Variants in GLIS3 observed in about 807,000 individuals in gnomAD.
GLIS3 encodes GLIS family zinc finger 3.
In GLIS3, 53 loss-of-function variants were observed where a neutral mutation model predicts 78.6. The observed-to-expected ratio is 0.67, with a 90% CI of 0.54 to 0.85. The LOEUF is 0.85. GLIS3 is among the 40% of genes least tolerant of loss of function. The probability of loss-of-function intolerance (pLI) is 0.00; values close to 1 mark genes in which losing one functional copy is unlikely to be tolerated. For missense variants in GLIS3, 1,703 were observed against 1,231.1 expected (o/e 1.38, Z -5.74); for synonymous variants, 684 against 509.9 (o/e 1.34, Z -4.60).
At chr9:4,320,037 G>A (rs918819113) in intron 2 of GLIS3, among the ~76,000 whole-genome samples, 12 of 150,562 alleles carry the variant, frequency 8.0e-5, no homozygotes, top group East Asian at 7.8e-4. Flanking sequence ...GCGCGCACAA[G>A]AGTCAAATTA....
intron 4 of GLIS3, among the ~76,000 whole-genome samples, chr9:3,942,850 TAC>T (rs1320948605): frequency 1.3e-5 from 2 of 152,210 alleles, no homozygotes; most frequent in Non-Finnish European, 2.9e-5. Context: ...CTTGAAAAGA[TAC>T]AGTTTGGTGG....
At chr9:4,318,773 A>T (rs1022610838) in intron 2 of GLIS3, among the ~76,000 whole-genome samples, 4 of 152,238 alleles carry the variant, frequency 2.6e-5, no homozygotes, top group African/African-American at 7.2e-5. Context: ...CAGTCTTCAA[A>T]AGATGCTAAA....
upstream of GLIS3, among the ~76,000 whole-genome samples, chr9:4,352,222 C>T (rs10974489): frequency 2.0e-5 from 3 of 152,096 alleles, no homozygotes; most frequent in Non-Finnish European, 1.5e-5. Context: ...AAAACTCAGG[C>T]GACACCCAGT....
At chr9:4,206,101 C>A (rs1819857418) in intron 2 of GLIS3, among the ~76,000 whole-genome samples, 1 of 152,116 alleles carries the variant, frequency 6.6e-6, no homozygotes, top group Admixed American at 6.5e-5. Flanking sequence ...AAGATCCCCC[C>A]ATTTTCAAAT....
the GLIS3 span, among the ~76,000 whole-genome samples, chr9:4,486,985 G>A: frequency 1.3e-5 from 2 of 152,012 alleles, no homozygotes; most frequent in Non-Finnish European, 1.5e-5. Flanking sequence ...GGTGTGAGTC[G>A]ACACTCCCGG....
intron 1 of GLIS3, among the ~76,000 whole-genome samples, chr9:4,296,969 T>C (rs930287118): frequency 6.6e-6 from 1 of 151,338 alleles, no homozygotes; most frequent in Non-Finnish European, 1.5e-5. Flanking sequence ...TGCTTCAAAC[T>C]TTCTCAGAAC....
chr9:4,291,615 G>C (rs1815986635), intron 1 of GLIS3, among the ~76,000 whole-genome samples: 1 of 151,980 alleles, frequency 6.6e-6, no homozygotes, highest in East Asian at 1.9e-4. Context: ...AAAAGGGAGA[G>C]GAAGGGAGTA....
At chr9:4,253,276 C>A (rs755825620) in intron 2 of GLIS3, among the ~76,000 whole-genome samples, 6 of 152,252 alleles carry the variant, frequency 3.9e-5, no homozygotes, top group Non-Finnish European at 7.3e-5. Context: ...AAGCCCCTGA[C>A]TGGGGCTGCT....
At chr9:4,269,436 T>A (rs1826307279) in intron 2 of GLIS3, among the ~76,000 whole-genome samples, 1 of 152,234 alleles carries the variant, frequency 6.6e-6, no homozygotes, top group Non-Finnish European at 1.5e-5. Flanking sequence ...AAGAGAAGAC[T>A]GATCACAGTT....
intron 2 of GLIS3, among the ~76,000 whole-genome samples, chr9:4,162,005 T>C (rs539943343): frequency 6.6e-6 from 1 of 152,162 alleles, no homozygotes; most frequent in Admixed American, 6.5e-5. Flanking sequence ...AATTCTGAAA[T>C]CAAGGTGTTG....
the GLIS3 span, among the ~76,000 whole-genome samples, chr9:4,454,102 C>T: frequency 2.0e-4 from 29 of 147,090 alleles, no homozygotes; most frequent in Admixed American, 1.9e-3. Flanking sequence ...TAAAAGCTAC[C>T]AGTTTAAAAT....
At chr9:4,357,907 C>G in the GLIS3 span, among the ~76,000 whole-genome samples, 1 of 152,148 alleles carries the variant, frequency 6.6e-6, no homozygotes, top group Non-Finnish European at 1.5e-5. Flanking sequence ...TTTGAAATGG[C>G]AAACGAACAA....
At chr9:4,056,763 G>A (rs192066856) in intron 4 of GLIS3, among the ~76,000 whole-genome samples, 10 of 152,112 alleles carry the variant, frequency 6.6e-5, no homozygotes, top group East Asian at 5.8e-4. Flanking sequence ...TGGGCACTTA[G>A]TAAAAAGTGG....
At chr9:4,208,001 T>A (rs1227596238) in intron 2 of GLIS3, among the ~76,000 whole-genome samples, 8 of 152,226 alleles carry the variant, frequency 5.3e-5, no homozygotes, top group Admixed American at 5.2e-4. Context: ...GCACAGTTAG[T>A]GTGTGTGACT....
In GLIS3 at chr9:4,104,037, A is replaced by G. The variant is rs180932836; in HGVS notation, c.1710+13731T>C. ...AACCTGTCCCTCAACGATGGAATAC[A>G]GGGTAGGCACCAATGTTGTCATGAC... On this transcript the variant is annotated intron_variant, in intron 4 of 10. Coordinates refer to ENST00000381971, the MANE Select transcript of GLIS3 (RefSeq NM_001042413.2). 1.1e-3 allele frequency among the ~76,000 whole-genome samples: 171 copies of G among 152,290 alleles called. 1 individual carries two copies. Among genetic ancestry groups the G allele is most frequent in the Non-Finnish European group, 2.1e-3 (144 of 68,024 alleles).
intron 2 of GLIS3, among the ~76,000 whole-genome samples, chr9:4,260,528 C>G (rs1249423261): frequency 6.7e-6 from 1 of 148,422 alleles, no homozygotes; most frequent in African/African-American, 2.5e-5. Context: ...GATTGTGCCA[C>G]TGAACTCCAG....
At chr9:4,238,265 C>G (rs10123647) in intron 2 of GLIS3, among the ~76,000 whole-genome samples, 1 of 152,072 alleles carries the variant, frequency 6.6e-6, no homozygotes, top group South Asian at 2.1e-4. Flanking sequence ...CTTAATAGAA[C>G]TCAGTATTTA....
chr9:4,072,592 A>G (rs1261698456), intron 4 of GLIS3, among the ~76,000 whole-genome samples: 1 of 152,212 alleles, frequency 6.6e-6, no homozygotes, highest in Non-Finnish European at 1.5e-5. Context: ...TCCCATGTAT[A>G]AAATGCATTC....
chr9:4,291,132 C>G (rs549412273), intron 1 of GLIS3, among the ~76,000 whole-genome samples: 15 of 152,264 alleles, frequency 9.9e-5, no homozygotes, highest in African/African-American at 3.1e-4. Context: ...CACTTGGGCA[C>G]TCCCAAGGCC....
Sources: gnomAD v4.1 joint callset for allele counts (sites outside exome capture counted in the v4.1 genomes callset) on GRCh38, gnomAD v4.1.1 for gene constraint, MANE v1.5 for transcripts, NCBI Gene and HGNC (gene_info 2026-07-23, HGNC 2026-07-21) for gene names.